The following HMCN1 variants were observed in gnomAD, a reference collection of about 807,000 sequenced individuals.
HMCN1 encodes the protein hemicentin 1, also known as hemicentin-1.
A neutral mutation model predicts 625.9 loss-of-function variants in HMCN1; 321 were observed. The ratio of observed to expected loss-of-function variants is 0.51; its 90% CI spans 0.47 to 0.56. HMCN1 has a LOEUF of 0.56. HMCN1 is among the 20% of genes least tolerant of loss of function. HMCN1 has a pLI of 0.00. For missense variants in HMCN1, 6,588 were observed against 6,887.3 expected (o/e 0.96, Z 1.54); for synonymous variants, 2,425 against 2,417.6 (o/e 1.00, Z -0.09).
intron 4 of HMCN1, among the ~76,000 whole-genome samples, chr1:185,887,774 G>T (rs1258047097): frequency 7.2e-6 from 1 of 138,766 alleles, no homozygotes; most frequent in Non-Finnish European, 1.6e-5. Flanking sequence ...ACATACGTGT[G>T]CATGTGTCTT....
intron 57 of HMCN1, among the ~76,000 whole-genome samples, chr1:186,083,940 G>C (rs994884846): frequency 6.6e-6 from 1 of 152,128 alleles, no homozygotes; most frequent in African/African-American, 2.4e-5. Context: ...GAATTCTCAG[G>C]AAGAATGAAT....
At chr1:186,118,260 C>T (rs1232798167) in intron 77 of HMCN1, among the ~76,000 whole-genome samples, 1 of 152,006 alleles carries the variant, frequency 6.6e-6, no homozygotes, top group African/African-American at 2.4e-5. Context: ...GATAAAGTAG[C>T]AACTAATATC....
rs201026760 is a variant in HMCN1, at chr1:186,093,506, A to G, written c.10033A>G (p.Asn3345Asp). Reference sequence around the variant, plus strand: ...CATAGTTACACCTACAATTAGGGGTAATAAAGATGAAGCAGAGAAACTAAT... The same window carrying G: ...CATAGTTACACCTACAATTAGGGGTGATAAAGATGAAGCAGAGAAACTAAT... ...NVYVTPTIRG[N>D]KDEAEKLMTL... The change falls in exon 66 of 107, where the codon AAT becomes GAT. Residue 3345 changes from asparagine to aspartate, a missense_variant. Asn to Asp is a conservative substitution (Grantham distance 23, BLOSUM62 1). Coordinates refer to ENST00000271588, the MANE Select transcript of HMCN1 (RefSeq NM_031935.3). 34 of 1,613,198 alleles carry G rather than the reference A, an allele frequency of 2.1e-5. No individual in the cohort carries two copies. The highest frequency in any genetic ancestry group is 2.6e-5 in the Non-Finnish European group (31 of 1,179,520).
intron 101 of HMCN1, among the ~76,000 whole-genome samples, chr1:186,171,737 A>C (rs1652246389): frequency 6.6e-6 from 1 of 152,124 alleles, no homozygotes; most frequent in Non-Finnish European, 1.5e-5. Context: ...AAATGAAGTT[A>C]GTATATATAA....
At chr1:186,186,991 G>T (rs1181493020) in intron 105 of HMCN1, among the ~76,000 whole-genome samples, 1 of 80,856 alleles carries the variant, frequency 1.2e-5, no homozygotes, top group Non-Finnish European at 2.6e-5. Context: ...CTCTGTCTCT[G>T]TCTCACACAC....
At chr1:186,167,439 C>T (rs1414497404) in intron 100 of HMCN1, among the ~76,000 whole-genome samples, 1 of 152,172 alleles carries the variant, frequency 6.6e-6, no homozygotes, top group Non-Finnish European at 1.5e-5. Flanking sequence ...CTATCAATAT[C>T]TCACACCAGG....
intron 2 of HMCN1, among the ~76,000 whole-genome samples, chr1:185,856,783 T>C (rs1026003342): frequency 2.0e-5 from 3 of 152,134 alleles, no homozygotes; most frequent in Non-Finnish European, 4.4e-5. Flanking sequence ...ACAACTGATA[T>C]AAAAACGAGT....
chr1:186,112,405 A>G (rs191678801), intron 71 of HMCN1, among the ~76,000 whole-genome samples: 204 of 152,360 alleles, frequency 1.3e-3, no homozygotes, highest in African/African-American at 4.7e-3. Context: ...CTCTATTTGC[A>G]TTGCCTTAGA....
intron 1 of HMCN1, among the ~76,000 whole-genome samples, chr1:185,819,025 T>G (rs974899250): frequency 6.6e-6 from 1 of 151,682 alleles, no homozygotes; most frequent in African/African-American, 2.4e-5. Context: ...GATCACAAGG[T>G]CAGGAGTTCG....
intron 99 of HMCN1, 123 bp from the exon 100 acceptor site, chr1:186,166,685 G>C: frequency 7.1e-7 from 1 of 1,400,634 alleles, no homozygotes; most frequent in East Asian, 2.3e-5. Context: ...AAAAACTTTA[G>C]TCCTTCTTGT....
intron 21 of HMCN1, 125 bp downstream of exon 21, chr1:185,989,772 A>ATTTTTTTTTTTTTTTTTTTTTTTTT (rs1156913510): frequency 2.0e-6 from 1 of 490,926 alleles, no homozygotes; most frequent in African/African-American, 2.3e-5. Context: ...CCAGATTTCT[A>ATTTTTTTTTTTTTTTTTTTTTTTTT]TTTTTTTTTT....
chr1:185,837,019 TG>T (rs1661210865), intron 1 of HMCN1, among the ~76,000 whole-genome samples: 1 of 150,384 alleles, frequency 6.6e-6, no homozygotes, highest in Non-Finnish European at 1.5e-5. Flanking sequence ...TGTGTGTGTG[TG>T]TGTGTGTGTG....
chr1:186,158,245 AG>A (rs2102594484), intron 97 of HMCN1, among the ~76,000 whole-genome samples: 1 of 150,792 alleles, frequency 6.6e-6, no homozygotes, highest in Non-Finnish European at 1.5e-5. Context: ...TCTTCTTTTG[AG>A]AAGTGTCTGT....
rs113888640 is a variant in HMCN1 at position 185,815,665 on chromosome 1, T to A, written c.269-30361T>A. 1.6e-4 allele frequency among the ~76,000 whole-genome samples: 24 copies of A among 150,016 alleles called. 4 individuals carry two copies. The highest frequency in any genetic ancestry group is 6.1e-4 in the African/African-American group (24 of 39,480). ...CAACACTAGCAGTTTTGGCTGGCTA[T>A]GCAACCTAGAAAAAAAAAGACCGAT... On this transcript the variant is annotated intron_variant, in intron 1 of 106. Coordinates refer to ENST00000271588, the MANE Select transcript of HMCN1 (RefSeq NM_031935.3).
intron 86 of HMCN1, among the ~76,000 whole-genome samples, chr1:186,134,848 T>C (rs780680856): frequency 2.6e-5 from 4 of 152,156 alleles, no homozygotes; most frequent in Non-Finnish European, 5.9e-5. Flanking sequence ...TCATGCTCCT[T>C]CTCAAGAATG....
intron 24 of HMCN1, 117 bp downstream of exon 24, chr1:185,995,204 C>T: frequency 1.1e-6 from 1 of 909,542 alleles, no homozygotes; most frequent in South Asian, 1.5e-5. Context: ...TTCTATATAA[C>T]TTTTGTGACT....
At position 185,904,806 on chromosome 1, in the gene HMCN1, A is replaced by G. The variant is rs78431998; in HGVS notation, c.622-4531A>G. ...AAGTATCCATCATCTAATAAGCACT[A>G]CTGTATGCTTGCAGGTGTTAGTGTC... is the stretch of plus-strand genomic sequence containing the variant. On this transcript the variant is annotated intron_variant, in intron 4 of 106. Coordinates refer to ENST00000271588, the MANE Select transcript of HMCN1 (RefSeq NM_031935.3). 2.0e-3 allele frequency among the ~76,000 whole-genome samples: 309 copies of G among 151,932 alleles called. 1 individual carries two copies. Among genetic ancestry groups the G allele is most frequent in the African/African-American group, 7.2e-3 (300 of 41,498 alleles).
intron 49 of HMCN1, 96 bp from the exon 50 acceptor site, chr1:186,067,738 A>G: frequency 2.5e-6 from 2 of 805,742 alleles, no homozygotes; most frequent in Non-Finnish European, 4.2e-6. Flanking sequence ...ACTGCTAGGG[A>G]ATGAAATTAT....
In HMCN1 at chr1:186,057,373, C is replaced by T. The variant is rs752333949; in HGVS notation, c.7284C>T (p.Ser2428=). The change falls in exon 46 of 107, where the codon AGC becomes AGT. Residue 2428 remains serine, a synonymous_variant. Coordinates refer to ENST00000271588, the MANE Select transcript of HMCN1 (RefSeq NM_031935.3). ...GGTTCAAAGATGGGTGGCCTGTCAGCCTTAGCAATTCTGTGAGGATTCTTT... is the reference window on the plus strand; with the variant it reads ...GGTTCAAAGATGGGTGGCCTGTCAGTCTTAGCAATTCTGTGAGGATTCTTT... ...ITWFKDGWPV[S]LSNSVRILSG... is the part of the protein sequence containing the mutation. 6.2e-7 allele frequency: 1 copy of T among 1,610,410 alleles called. No individual in the cohort carries two copies. The highest frequency in any genetic ancestry group is 1.1e-5 in the South Asian group (1 of 91,006).
Sources: gnomAD v4.1 joint callset for allele counts (sites outside exome capture counted in the v4.1 genomes callset) on GRCh38, gnomAD v4.1.1 for gene constraint, MANE v1.5 for transcripts, NCBI Gene and HGNC (gene_info 2026-07-23, HGNC 2026-07-21) for gene names.